The following MAGI2 variants were observed in gnomAD, a reference collection of about 807,000 sequenced individuals.
MAGI2 encodes membrane associated guanylate kinase, WW and PDZ domain containing 2, also known as membrane-associated guanylate kinase, WW and PDZ domain-containing protein 2.
In MAGI2, 35 loss-of-function variants were observed where a neutral mutation model predicts 133.3. The observed-to-expected ratio is 0.26, with a 90% confidence interval of 0.20 to 0.35. The LOEUF (loss-of-function observed/expected upper bound fraction) is 0.35. Ranked by LOEUF, MAGI2 falls within the 10% of genes least tolerant of loss-of-function variation. The pLI, the probability that MAGI2 is intolerant of heterozygous loss-of-function variation, is 1.00. For synonymous variants in MAGI2, 729 were observed against 710.6 expected, an observed-to-expected ratio of 1.03 and a Z score of -0.41; for missense variants, 1,636 against 1,863.4, an observed-to-expected ratio of 0.88 and a Z score of 2.25.
intron 6 of MAGI2, among the ~76,000 whole-genome samples, chr7:78,395,099 G>A (rs9641395): frequency 0.058 from 8,809 of 152,146 alleles, 615 homozygotes; most frequent in East Asian, 0.18. Flanking sequence ...TTGGCTTCAG[G>A]GAGAGTCAAA....
intron 14 of MAGI2, among the ~76,000 whole-genome samples, chr7:78,176,829 C>G (rs1398661538): frequency 6.6e-6 from 1 of 151,088 alleles, no homozygotes; most frequent in African/African-American, 2.4e-5. Flanking sequence ...GCCTGGGTGA[C>G]AGGACAAGAC....
At chr7:79,428,102 G>T (rs540126693) in intron 1 of MAGI2, among the ~76,000 whole-genome samples, 3 of 152,128 alleles carry the variant, frequency 2.0e-5, no homozygotes, top group African/African-American at 7.2e-5. Flanking sequence ...AAAGTGACAA[G>T]TAAGTTGACT....
chr7:78,373,411 A>G (rs1794121217), intron 6 of MAGI2, among the ~76,000 whole-genome samples: 1 of 152,170 alleles, frequency 6.6e-6, no homozygotes, highest in Admixed American at 6.6e-5. Flanking sequence ...CCTGGGTTCA[A>G]TGTACTTATG....
chr7:78,654,719 A>ATATATATATGTG lies in MAGI2; in HGVS notation c.419-27481_419-27480insCACATATATATA, dbSNP rs1563303399. ...TACATATATGTATATATATATATAT[A>ATATATATATGTG]TATATATATATATATATATATATAT... On this transcript the variant is annotated intron_variant, in intron 2 of 21. Transcript: ENST00000354212. Among the ~76,000 whole-genome samples, 11 of 53,404 alleles carry ATATATATATGTG rather than the reference A, an allele frequency of 2.1e-4. 1 individual carries two copies. Among genetic ancestry groups the ATATATATATGTG allele is most frequent in the Non-Finnish European group, 4.8e-4 (11 of 23,008 alleles). 35.0% of individuals were successfully genotyped at this position (53,404 alleles called of 152,430 possible). A position where few individuals can be genotyped will look rare whatever the true frequency, so the allele number is the denominator to read the frequency against.
chr7:78,366,634 A>T lies in MAGI2; in HGVS notation c.1103+2522T>A, dbSNP rs192105007. Among the ~76,000 whole-genome samples, 8 of 139,536 alleles carry T rather than the reference A, an allele frequency of 5.7e-5. No individual in the cohort carries two copies. The East Asian group carries it at 1.6e-3, about 27-fold the overall frequency. The allele number at this position is 139,536 out of a possible 152,430, so 91.5% of individuals were successfully genotyped here. A position where few individuals can be genotyped will look rare whatever the true frequency, so the allele number is the denominator to read the frequency against. On this transcript the variant is annotated intron_variant, in intron 7 of 21. Transcript: ENST00000354212. ...GACAAGATTTTTGGGATGATGGAAG[A>T]TATCCCCCATCTCAAGTAATGTATA...
chr7:79,413,544 C>A (rs988224173), intron 1 of MAGI2: 5 of 152,356 alleles, frequency 3.3e-5, no homozygotes, highest in African/African-American at 1.2e-4. Context: ...GAACTGACTG[C>A]TGGGGACCCA....
chr7:79,078,435 G>A (rs1419557731), intron 1 of MAGI2, among the ~76,000 whole-genome samples: 1 of 152,096 alleles, frequency 6.6e-6, no homozygotes, highest in Non-Finnish European at 1.5e-5. Flanking sequence ...CCAGGCTCAG[G>A]AATGAAAGGA....
chr7:79,311,321 C>T (rs1478663199), intron 1 of MAGI2, among the ~76,000 whole-genome samples: 1 of 152,114 alleles, frequency 6.6e-6, no homozygotes, highest in Non-Finnish European at 1.5e-5. Flanking sequence ...TACACTAACA[C>T]TAATAATAGC....
At chr7:78,076,030 T>G (rs1353968276) in intron 21 of MAGI2, among the ~76,000 whole-genome samples, 3 of 152,226 alleles carry the variant, frequency 2.0e-5, no homozygotes, top group African/African-American at 2.4e-5. Flanking sequence ...TCCATCTCAA[T>G]TTAATATCAA....
chr7:78,487,852 G>A (rs935674524), intron 6 of MAGI2, among the ~76,000 whole-genome samples: 1 of 152,014 alleles, frequency 6.6e-6, no homozygotes, highest in African/African-American at 2.4e-5. Flanking sequence ...GCCGAAGTGT[G>A]GCACATATGA....
At chr7:79,214,798 G>T (rs1293058211) in intron 1 of MAGI2, among the ~76,000 whole-genome samples, 1 of 134,236 alleles carries the variant, frequency 7.4e-6, no homozygotes, top group Non-Finnish European at 1.6e-5. Context: ...TATTAATATA[G>T]ATAATATATA....
chr7:78,399,863 A>G (rs906938971), intron 6 of MAGI2, among the ~76,000 whole-genome samples: 3 of 151,402 alleles, frequency 2.0e-5, no homozygotes, highest in African/African-American at 7.3e-5. Flanking sequence ...ACACAAGCGC[A>G]TGAACACAGC....
At chr7:78,102,595 G>T (rs993941048) in intron 20 of MAGI2, among the ~76,000 whole-genome samples, 1 of 152,242 alleles carries the variant, frequency 6.6e-6, no homozygotes, top group African/African-American at 2.4e-5. Context: ...ACATCCCACA[G>T]CACTGTTGGC....
intron 2 of MAGI2, among the ~76,000 whole-genome samples, chr7:78,841,905 C>A (rs548240030): frequency 6.6e-6 from 1 of 152,008 alleles, no homozygotes; most frequent in East Asian, 1.9e-4. Flanking sequence ...TTCCTTAGAG[C>A]CCTGCACCTC....
At chr7:79,297,730 G>A (rs1173834572) in intron 1 of MAGI2, among the ~76,000 whole-genome samples, 2 of 152,150 alleles carry the variant, frequency 1.3e-5, no homozygotes, top group East Asian at 1.9e-4. Flanking sequence ...GGTTTAGTGC[G>A]GGTATTTTTT....
chr7:78,498,283 G>A (rs1303141794), intron 5 of MAGI2, among the ~76,000 whole-genome samples: 3 of 152,118 alleles, frequency 2.0e-5, no homozygotes, highest in Non-Finnish European at 4.4e-5. Context: ...GACTACCTCT[G>A]AGACACATGG....
intron 3 of MAGI2, among the ~76,000 whole-genome samples, chr7:78,548,844 T>C (rs1434775916): frequency 6.6e-6 from 1 of 152,236 alleles, no homozygotes; most frequent in Non-Finnish European, 1.5e-5. Context: ...TTGATTTAGA[T>C]GTTAACTATT....
chr7:78,503,076 G>C (rs534199130), intron 4 of MAGI2, among the ~76,000 whole-genome samples: 1 of 151,930 alleles, frequency 6.6e-6, no homozygotes, highest in Non-Finnish European at 1.5e-5. Context: ...AGGAACAAAA[G>C]AGCATCAGAC....
chr7:78,625,333 T>G (rs1808231916), intron 3 of MAGI2, among the ~76,000 whole-genome samples: 2 of 151,796 alleles, frequency 1.3e-5, no homozygotes, highest in African/African-American at 4.8e-5. Context: ...ATAGTAATTA[T>G]AAAATTAAAA....
Sources: gnomAD v4.1 joint callset for allele counts (sites outside exome capture counted in the v4.1 genomes callset) on GRCh38, gnomAD v4.1.1 for gene constraint, MANE v1.5 for transcripts, NCBI Gene and HGNC (gene_info 2026-07-23, HGNC 2026-07-21) for gene names.